SPOCK3: variants seen among roughly 807,000 people sequenced by gnomAD.
SPOCK3 encodes SPARC (osteonectin), cwcv and kazal like domains proteoglycan 3, also known as testican-3.
A neutral mutation model predicts 56.6 loss-of-function variants in SPOCK3; 30 were observed. The ratio of observed to expected loss-of-function variants is 0.53; its 90% CI spans 0.40 to 0.72. The LOEUF is 0.72. SPOCK3 is among the 30% of genes least tolerant of loss of function. SPOCK3 has a pLI of 0.00. For missense variants in SPOCK3, 527 were observed against 530.0 expected, an observed-to-expected ratio of 0.99 and a Z score of 0.06; for synonymous variants, 196 against 183.3, an observed-to-expected ratio of 1.07 and a Z score of -0.56.
intron 2 of SPOCK3, among the ~76,000 whole-genome samples, chr4:167,099,602 C>T (rs1443692177): frequency 6.6e-6 from 1 of 152,006 alleles, no homozygotes; most frequent in Non-Finnish European, 1.5e-5. Flanking sequence ...GTATCTTTCA[C>T]GTTTACATAA....
chr4:166,748,525 T>C lies in SPOCK3; in HGVS notation c.931+5983A>G, dbSNP rs1458721542. Among the ~76,000 whole-genome samples, 3 of 136,502 alleles carry C rather than the reference T, an allele frequency of 2.2e-5. 1 individual carries two copies. The highest frequency in any genetic ancestry group is 4.7e-5 in the Non-Finnish European group (3 of 64,506). 89.6% of individuals were successfully genotyped at this position (136,502 alleles called of 152,430 possible). ...GACTTAAATGTTAGACCTAAAGCCATAAAAACCCTAGAAGAAAACCTAGGC... is the reference window on the plus strand; with the variant it reads ...GACTTAAATGTTAGACCTAAAGCCACAAAAACCCTAGAAGAAAACCTAGGC... On this transcript the variant is annotated intron_variant, in intron 8 of 10. Coordinates refer to ENST00000357545, the MANE Select transcript of SPOCK3 (RefSeq NM_001040159.2).
intron 3 of SPOCK3, among the ~76,000 whole-genome samples, chr4:167,041,719 T>C (rs767349120): frequency 1.3e-5 from 2 of 152,130 alleles, no homozygotes; most frequent in Admixed American, 6.6e-5. Context: ...CAAATAACAA[T>C]GTATTGTATG....
intron 2 of SPOCK3, among the ~76,000 whole-genome samples, chr4:167,095,451 G>A (rs1226635887): frequency 6.6e-6 from 1 of 151,746 alleles, no homozygotes; most frequent in Non-Finnish European, 1.5e-5. Flanking sequence ...CTAATCCTAA[G>A]GCAAGCAGTA....
At chr4:167,122,914 C>T (rs571171534) in intron 2 of SPOCK3, among the ~76,000 whole-genome samples, 1 of 151,800 alleles carries the variant, frequency 6.6e-6, no homozygotes, top group Non-Finnish European at 1.5e-5. Flanking sequence ...TAGTACCAGC[C>T]TTAAAATAAC....
chr4:167,060,816 A>G (rs150204948), intron 3 of SPOCK3, among the ~76,000 whole-genome samples: 130 of 152,172 alleles, frequency 8.5e-4, no homozygotes, highest in African/African-American at 3.0e-3. Flanking sequence ...CCACTCTGCC[A>G]CACTGTGGGA....
chr4:166,770,536 A>G (rs1738793148), intron 7 of SPOCK3, among the ~76,000 whole-genome samples: 1 of 152,176 alleles, frequency 6.6e-6, no homozygotes, highest in African/African-American at 2.4e-5. Context: ...CATCTAAACC[A>G]GTTGTGGAGC....
intron 5 of SPOCK3, among the ~76,000 whole-genome samples, chr4:166,911,229 G>A (rs1369113277): frequency 7.3e-6 from 1 of 136,534 alleles, no homozygotes; most frequent in African/African-American, 2.8e-5. Flanking sequence ...AGGATACACA[G>A]TACTTGGCAC....
chr4:166,840,835 G>A (rs1206410009), intron 6 of SPOCK3, among the ~76,000 whole-genome samples: 1 of 137,922 alleles, frequency 7.3e-6, no homozygotes, highest in African/African-American at 2.7e-5. Context: ...CTGGAGTGCA[G>A]TGGCGCAATC....
At chr4:167,205,295 C>CTATAATATATATTATATATTTTATATA (rs1733993474) in intron 2 of SPOCK3, among the ~76,000 whole-genome samples, 2 of 27,460 alleles carry the variant, frequency 7.3e-5, no homozygotes, top group Non-Finnish European at 1.3e-4. Context: ...TATTTTATAT[C>CTATAATATATATTATATATTTTATATA]TATAATATAT....
chr4:167,081,311 C>T (rs1185327867), intron 2 of SPOCK3, among the ~76,000 whole-genome samples: 1 of 151,956 alleles, frequency 6.6e-6, no homozygotes, highest in Non-Finnish European at 1.5e-5. Flanking sequence ...CACATAAATA[C>T]ACCAAGCACA....
intron 6 of SPOCK3, among the ~76,000 whole-genome samples, chr4:166,806,845 T>C (rs2126709639): frequency 6.6e-6 from 1 of 152,196 alleles, no homozygotes. Context: ...CCTTAGTAGA[T>C]ACTTGAAACC....
chr4:166,840,076 AAGGGTCTATCCCAATGCAGAATTCCC>A (rs1163690934), intron 6 of SPOCK3, among the ~76,000 whole-genome samples: 2 of 152,234 alleles, frequency 1.3e-5, no homozygotes, highest in African/African-American at 2.4e-5. Flanking sequence ...TCCTCAGTTA[AAGGGTCTATCCCAATGCAGAATTCCC>A]AGTAATATCT....
In SPOCK3 at chr4:167,087,566, TACA is replaced by T. The variant is rs201612096; in HGVS notation, c.190-25032_190-25030del. On this transcript the variant is annotated intron_variant, in intron 2 of 10. Transcript: ENST00000357545. ...TCCTCCTAGGTGCTTAAACAATTCT[TACA>T]ACATTTCACCATAAGATAGATGTTA... is the stretch of plus-strand genomic sequence containing the variant. Among the ~76,000 whole-genome samples, 6 of 152,282 alleles carry T rather than the reference TACA, an allele frequency of 3.9e-5. No individual in the cohort carries two copies. In the East Asian group the frequency reaches 1.2e-3, roughly 29 times the overall value.
intron 3 of SPOCK3, among the ~76,000 whole-genome samples, chr4:167,049,377 A>T (rs997962085): frequency 6.6e-6 from 1 of 152,182 alleles, no homozygotes; most frequent in Non-Finnish European, 1.5e-5. Flanking sequence ...TAAAGATTGG[A>T]AGTGAAGTAC....
chr4:166,901,123 C>G (rs1012116044), intron 5 of SPOCK3, among the ~76,000 whole-genome samples: 1 of 152,144 alleles, frequency 6.6e-6, no homozygotes, highest in Non-Finnish European at 1.5e-5. Context: ...TCCTGAACCT[C>G]CCATGCAAAT....
intron 6 of SPOCK3, among the ~76,000 whole-genome samples, chr4:166,810,156 AT>A (rs1028413272): frequency 1.3e-5 from 2 of 152,026 alleles, no homozygotes; most frequent in Non-Finnish European, 2.9e-5. Flanking sequence ...ACAAATCCAA[AT>A]GTGTCTTGTC....
rs549847437 is a variant in SPOCK3, at chr4:166,825,378, A to G, written c.590-33089T>C. Among the ~76,000 whole-genome samples, 5 of 152,224 alleles carry G rather than the reference A, an allele frequency of 3.3e-5. No homozygotes were observed. The East Asian group carries it at 9.7e-4, about 30-fold the overall frequency. On this transcript the variant is annotated intron_variant, in intron 6 of 10. Coordinates refer to ENST00000357545, the MANE Select transcript of SPOCK3 (RefSeq NM_001040159.2). Reference sequence around the variant, plus strand: ...AATCTTATCTATACTCATCTGAAATATAACAGATGTCAAAAAACACCTTTC... The same window carrying G: ...AATCTTATCTATACTCATCTGAAATGTAACAGATGTCAAAAAACACCTTTC...
chr4:167,145,093 T>TG (rs1467285931), intron 2 of SPOCK3, among the ~76,000 whole-genome samples: 1 of 152,014 alleles, frequency 6.6e-6, no homozygotes, highest in Non-Finnish European at 1.5e-5. Context: ...ATGCTGGAGT[T>TG]GGGGAGAAAC....
intron 4 of SPOCK3, among the ~76,000 whole-genome samples, chr4:166,936,484 G>A (rs889729642): frequency 6.6e-6 from 1 of 151,994 alleles, no homozygotes; most frequent in Admixed American, 6.6e-5. Context: ...TTAACCAAAA[G>A]TACCAAATCT....
Sources: allele counts gnomAD v4.1 joint callset (sites outside exome capture counted in the v4.1 genomes callset), GRCh38; gene constraint gnomAD v4.1.1; transcripts MANE v1.5; gene names NCBI Gene and HGNC (gene_info 2026-07-23, HGNC 2026-07-21).